STAT5B: variants seen among roughly 807,000 people sequenced by gnomAD.
STAT5B encodes the protein signal transducer and activator of transcription 5B.
Under a neutral mutation model 107.8 loss-of-function variants are expected in STAT5B, and 21 were observed. That is an observed-to-expected ratio of 0.19 (90% CI 0.14 to 0.28). STAT5B has a LOEUF of 0.28. STAT5B is among the 10% of genes least tolerant of loss of function. The pLI, the probability that STAT5B is intolerant of heterozygous loss-of-function variation, is 1.00. For synonymous variants in STAT5B, 325 were observed against 401.7 expected, an observed-to-expected ratio of 0.81 and a Z score of 2.28; for missense variants, 565 against 1,008.2, an observed-to-expected ratio of 0.56 and a Z score of 5.95.
At chr17:42,275,170 C>T (rs1486827107) in intron 1 of STAT5B, 1 of 152,234 alleles carries the variant, frequency 6.6e-6, no homozygotes, top group Non-Finnish European at 1.5e-5. Context: ...ATCTGGGCCT[C>T]AGTTTCCTCA....
intron 1 of STAT5B, among the ~76,000 whole-genome samples, chr17:42,260,036 G>A (rs928560718): frequency 6.6e-6 from 1 of 152,094 alleles, no homozygotes; most frequent in Non-Finnish European, 1.5e-5. Context: ...TTCGTTAGAA[G>A]GCCTATAGCC....
intron 17 of STAT5B, 29 bp downstream of exon 17, chr17:42,202,728 A>C: frequency 6.2e-7 from 1 of 1,613,564 alleles, no homozygotes; most frequent in Non-Finnish European, 8.5e-7. Flanking sequence ...AAGAGGCAGA[A>C]GGAGAGCCAC....
intron 15 of STAT5B, among the ~76,000 whole-genome samples, chr17:42,208,667 CAA>C (rs539639487): frequency 3.3e-5 from 5 of 151,902 alleles, no homozygotes; most frequent in African/African-American, 1.2e-4. Context: ...ATTTCCCATA[CAA>C]AGATATATAA....
intron 13 of STAT5B, among the ~76,000 whole-genome samples, chr17:42,211,179 G>C (rs970746636): frequency 2.6e-5 from 4 of 151,822 alleles, no homozygotes; most frequent in Non-Finnish European, 5.9e-5. Context: ...CCTTGTGACA[G>C]AGCGAGACAC....
At chr17:42,232,379 G>A (rs546975562) in intron 1 of STAT5B, among the ~76,000 whole-genome samples, 2 of 152,030 alleles carry the variant, frequency 1.3e-5, no homozygotes, top group Non-Finnish European at 2.9e-5. Flanking sequence ...CTCCTGAGTA[G>A]CTGGGATTAC....
chr17:42,278,958 C>T (rs2080783956), upstream of STAT5B, among the ~76,000 whole-genome samples: 2 of 150,424 alleles, frequency 1.3e-5, no homozygotes, highest in South Asian at 2.1e-4. Context: ...CAGCCTGGGG[C>T]GACAGAGTGA....
At chr17:42,275,804 CCATCCCCGGAG>C (rs1350354751) in intron 1 of STAT5B, among the ~76,000 whole-genome samples, 1 of 152,048 alleles carries the variant, frequency 6.6e-6, no homozygotes, top group Non-Finnish European at 1.5e-5. Context: ...CAGGCTCATC[CCATCCCCGGAG>C]TCCCGGGAAC....
intron 12 of STAT5B, among the ~76,000 whole-genome samples, chr17:42,212,510 C>A (rs1489736807): frequency 6.6e-6 from 1 of 152,224 alleles, no homozygotes; most frequent in African/African-American, 2.4e-5. Flanking sequence ...AGATTGTAAA[C>A]ACCTTGGGAA....
chr17:42,244,087 CTTTTCTTTTTT>C (rs1204587956), intron 1 of STAT5B, among the ~76,000 whole-genome samples: 2 of 139,654 alleles, frequency 1.4e-5, no homozygotes, highest in African/African-American at 5.7e-5. Context: ...TCTTTCTTTT[CTTTTCTTTTTT>C]TTTTTTTGAG....
At chr17:42,257,720 C>T (rs150530460) in intron 1 of STAT5B, among the ~76,000 whole-genome samples, 2 of 152,278 alleles carry the variant, frequency 1.3e-5, no homozygotes, top group African/African-American at 4.8e-5. Context: ...GGACCACACA[C>T]AAATAGCAGT....
chr17:42,244,810 A>T (rs2080437033), intron 1 of STAT5B, among the ~76,000 whole-genome samples: 1 of 152,216 alleles, frequency 6.6e-6, no homozygotes, highest in African/African-American at 2.4e-5. Context: ...ATAATGTATT[A>T]ATCTAATGGG....
chr17:42,243,362 A>G (rs779834965), intron 1 of STAT5B, among the ~76,000 whole-genome samples: 3 of 152,114 alleles, frequency 2.0e-5, no homozygotes, highest in Non-Finnish European at 4.4e-5. Flanking sequence ...GTCTCAAAAC[A>G]AACAAAAACA....
intron 1 of STAT5B, among the ~76,000 whole-genome samples, chr17:42,262,972 A>ATG (rs2080627369): frequency 2.6e-4 from 5 of 19,370 alleles, no homozygotes; most frequent in African/African-American, 8.4e-4. Context: ...GTGTGTGTGT[A>ATG]TATATATATA....
At chr17:42,268,591 A>G (rs1022605272) in intron 1 of STAT5B, 6 of 152,224 alleles carry the variant, frequency 3.9e-5, no homozygotes, top group African/African-American at 1.4e-4. Flanking sequence ...TGCCTTCGGA[A>G]TAAGAATCTA....
At chr17:42,264,227 TTTA>T in intron 1 of STAT5B, among the ~76,000 whole-genome samples, 1 of 152,156 alleles carries the variant, frequency 6.6e-6, no homozygotes, top group South Asian at 2.1e-4. Context: ...ATTATTATAC[TTTA>T]AGTTTTAGGG....
At chr17:42,208,278 A>G (rs978507602) in intron 15 of STAT5B, among the ~76,000 whole-genome samples, 2 of 151,918 alleles carry the variant, frequency 1.3e-5, no homozygotes, top group African/African-American at 4.8e-5. Context: ...AGGCAGGTGG[A>G]TCACCTGAGG....
chr17:42,281,873 C>T, the STAT5B span, among the ~76,000 whole-genome samples: 6 of 152,158 alleles, frequency 3.9e-5, no homozygotes, highest in South Asian at 4.1e-4. Context: ...GTGGGGCGGA[C>T]GCAGAGGAGG....
intron 16 of STAT5B, 49 bp from the exon 17 acceptor site, chr17:42,202,857 A>C: frequency 6.2e-7 from 1 of 1,609,804 alleles, no homozygotes; most frequent in Non-Finnish European, 8.5e-7. Flanking sequence ...TGAAACAAAA[A>C]TGTGATCTTC....
At chr17:42,224,917 G>A (rs1221631106) in intron 3 of STAT5B, 49 bp from the exon 4 acceptor site, 2 of 1,602,360 alleles carry the variant, frequency 1.2e-6, no homozygotes, top group Non-Finnish European at 1.7e-6. Flanking sequence ...CCACACTATG[G>A]GCCCTAACCA....
Sources: gnomAD v4.1 joint callset for allele counts (sites outside exome capture counted in the v4.1 genomes callset) on GRCh38, gnomAD v4.1.1 for gene constraint, MANE v1.5 for transcripts, NCBI Gene and HGNC (gene_info 2026-07-23, HGNC 2026-07-21) for gene names.